The following SOCS5 variants were observed in gnomAD, a reference collection of about 807,000 sequenced individuals.
SOCS5 encodes CIS-6.
In SOCS5, 32 loss-of-function variants were observed where a neutral mutation model predicts 42.8. The observed-to-expected ratio is 0.75, with a 90% CI of 0.56 to 1.01. The LOEUF (loss-of-function observed/expected upper bound fraction) is 1.01, where lower values mean the gene tolerates loss of function less well. SOCS5 is among the 50% of genes least tolerant of loss of function. The pLI, the probability that SOCS5 is intolerant of heterozygous loss-of-function variation, is 0.00. For missense variants in SOCS5, 627 were observed against 653.0 expected (o/e 0.96, Z 0.43); for synonymous variants, 283 against 229.6 (o/e 1.23, Z -2.10).
At chr2:46,715,238 G>A (rs895424125) in intron 1 of SOCS5, among the ~76,000 whole-genome samples, 1 of 151,940 alleles carries the variant, frequency 6.6e-6, no homozygotes, top group African/African-American at 2.4e-5. Context: ...AGACATGGTG[G>A]CTCGTGCCTG....
chr2:46,713,602 A>G (rs552328763), intron 1 of SOCS5, among the ~76,000 whole-genome samples: 1 of 152,006 alleles, frequency 6.6e-6, no homozygotes, highest in Non-Finnish European at 1.5e-5. Context: ...AAATCCTTTC[A>G]AAGAACCAAC....
At chr2:46,712,254 C>T (rs1672639445) in intron 1 of SOCS5, among the ~76,000 whole-genome samples, 1 of 142,176 alleles carries the variant, frequency 7.0e-6, no homozygotes, top group South Asian at 2.4e-4. Flanking sequence ...GTTAGCTATA[C>T]ATTTTTCATA....
chr2:46,742,767 G>C (rs1416846277), intron 1 of SOCS5, among the ~76,000 whole-genome samples: 1 of 151,968 alleles, frequency 6.6e-6, no homozygotes, highest in Non-Finnish European at 1.5e-5. Context: ...CCAGGTTTAA[G>C]CGATCCTTCT....
rs1672302663 is a variant in SOCS5, at chr2:46,699,832, A to T, written c.-13+383A>T. On this transcript the variant is annotated intron_variant, in intron 1 of 1. Coordinates refer to ENST00000394861, the MANE Select transcript of SOCS5 (RefSeq NM_144949.3). The surrounding 1 kb of genome is among the most constrained non-coding windows in gnomAD (Gnocchi z 4.8). ...TGGTGGGTCGCGGGGAGGCCACCGG[A>T]GACTGAAGCAGTTACACAGGCTGCA... 6.6e-6 allele frequency among the ~76,000 whole-genome samples: 1 copy of T among 151,954 alleles called. No individual in the cohort carries two copies. Among genetic ancestry groups the T allele is most frequent in the Non-Finnish European group, 1.5e-5 (1 of 67,982 alleles).
At position 46,699,738 on chromosome 2, in the gene SOCS5, G is replaced by A. The variant is rs1046643755; in HGVS notation, c.-13+289G>A. ...CTGTGGAATTGTTTTTCTGGTTGGA[G>A]GAACGTGGGGTTCCTAAGGGGAAGG... On this transcript the variant is annotated intron_variant, in intron 1 of 1. Transcript: ENST00000394861. The surrounding 1 kb of genome is among the most constrained non-coding windows in gnomAD (Gnocchi z 4.8). 6.6e-6 allele frequency among the ~76,000 whole-genome samples: 1 copy of A among 152,182 alleles called. No homozygotes were observed. Among genetic ancestry groups the A allele is most frequent in the African/African-American group, 2.4e-5 (1 of 41,458 alleles).
chr2:46,741,723 A>G (rs1412526054), intron 1 of SOCS5, among the ~76,000 whole-genome samples: 1 of 152,154 alleles, frequency 6.6e-6, no homozygotes, highest in African/African-American at 2.4e-5. Context: ...CCCCAGAAAC[A>G]TGGTTTTTTA....
chr2:46,747,330 C>G (rs1049352309), intron 1 of SOCS5, among the ~76,000 whole-genome samples: 3 of 151,956 alleles, frequency 2.0e-5, no homozygotes, highest in Non-Finnish European at 1.5e-5. Context: ...AAGTGATCCT[C>G]CCACCTCAGC....
chr2:46,706,459 A>G (rs769551736), intron 1 of SOCS5, among the ~76,000 whole-genome samples: 1 of 152,228 alleles, frequency 6.6e-6, no homozygotes, highest in Non-Finnish European at 1.5e-5. Flanking sequence ...CAAGGATGGT[A>G]TCTAAATACT....
chr2:46,718,191 A>G (rs1444655251), intron 1 of SOCS5, among the ~76,000 whole-genome samples: 4 of 152,188 alleles, frequency 2.6e-5, no homozygotes, highest in African/African-American at 9.7e-5. Context: ...CAGGAATCAC[A>G]ATCCTGTGCT....
chr2:46,710,847 G>GT (rs1672605316), intron 1 of SOCS5, among the ~76,000 whole-genome samples: 1 of 152,176 alleles, frequency 6.6e-6, no homozygotes, highest in Admixed American at 6.5e-5. Context: ...AGTCCTTGCT[G>GT]TTTCTCCTTT....
intron 1 of SOCS5, among the ~76,000 whole-genome samples, chr2:46,713,941 A>T (rs1409967386): frequency 1.3e-5 from 2 of 152,138 alleles, no homozygotes; most frequent in Non-Finnish European, 2.9e-5. Context: ...TAATTTTCAA[A>T]TATTTGGTAT....
intron 1 of SOCS5, among the ~76,000 whole-genome samples, chr2:46,708,878 GCC>G (rs1395821521): frequency 2.3e-5 from 3 of 129,904 alleles, no homozygotes; most frequent in African/African-American, 8.7e-5. Flanking sequence ...GAATCCTGAA[GCC>G]TTTTTTTTTT....
intron 1 of SOCS5, among the ~76,000 whole-genome samples, chr2:46,707,170 A>G (rs979994538): frequency 8.5e-5 from 13 of 152,098 alleles, no homozygotes; most frequent in Admixed American, 3.3e-4. Flanking sequence ...GAGAAAGTTG[A>G]ATTATGGTTC....
intron 1 of SOCS5, among the ~76,000 whole-genome samples, chr2:46,710,456 T>A (rs1197164380): frequency 6.6e-6 from 1 of 152,184 alleles, no homozygotes; most frequent in Non-Finnish European, 1.5e-5. Context: ...CCTTTAATTT[T>A]TTTAAAAAGT....
At chr2:46,703,188 C>T (rs368592176) in intron 1 of SOCS5, among the ~76,000 whole-genome samples, 144 of 152,196 alleles carry the variant, frequency 9.5e-4, no homozygotes, top group African/African-American at 3.3e-3. Context: ...AGCTATAGCT[C>T]GAAAGCAATG....
At chr2:46,742,481 A>G (rs565539289) in intron 1 of SOCS5, among the ~76,000 whole-genome samples, 78 of 152,168 alleles carry the variant, frequency 5.1e-4, no homozygotes, top group African/African-American at 1.8e-3. Flanking sequence ...TCCATATGTC[A>G]TATGTTGAAA....
At chr2:46,747,174 C>T (rs1447571769) in intron 1 of SOCS5, among the ~76,000 whole-genome samples, 23 of 151,992 alleles carry the variant, frequency 1.5e-4, no homozygotes, top group Admixed American at 1.5e-3. Flanking sequence ...AAAATCTAGT[C>T]ATTTCTTCTT....
chr2:46,735,562 A>G (rs1339257278), intron 1 of SOCS5, among the ~76,000 whole-genome samples: 1 of 151,934 alleles, frequency 6.6e-6, no homozygotes, highest in Non-Finnish European at 1.5e-5. Context: ...CATTTAGGCT[A>G]TATTGTCATT....
chr2:46,717,296 G>C (rs918972781), intron 1 of SOCS5, among the ~76,000 whole-genome samples: 5 of 152,106 alleles, frequency 3.3e-5, no homozygotes, highest in African/African-American at 4.8e-5. Flanking sequence ...CAGAAAGCTG[G>C]AGCAATCACA....
Sources: gnomAD v4.1 joint callset for allele counts (sites outside exome capture counted in the v4.1 genomes callset) on GRCh38, gnomAD v4.1.1 for gene constraint, Gnocchi (gnomAD v3.1) non-coding constraint, MANE v1.5 for transcripts, NCBI Gene and HGNC (gene_info 2026-07-23, HGNC 2026-07-21) for gene names.